The following PLEKHA7 variants were observed in gnomAD, a reference collection of about 807,000 sequenced individuals.
The protein encoded by PLEKHA7 is pleckstrin homology domain containing A7.
Under a neutral mutation model 170.0 loss-of-function variants are expected in PLEKHA7, and 104 were observed. That is an observed-to-expected ratio of 0.61 (90% CI 0.52 to 0.72). PLEKHA7 has a LOEUF of 0.72. Among genes scored for constraint, PLEKHA7 ranks in the 30% least tolerant of loss-of-function variants. The probability of loss-of-function intolerance (pLI) is 0.00; values close to 1 mark genes in which losing one functional copy is unlikely to be tolerated. For synonymous variants in PLEKHA7, 648 were observed against 660.8 expected (o/e 0.98, Z 0.30); for missense variants, 1,615 against 1,671.7 (o/e 0.97, Z 0.59).
At chr11:16,954,346 T>C (rs1406930332) in intron 3 of PLEKHA7, among the ~76,000 whole-genome samples, 1 of 151,818 alleles carries the variant, frequency 6.6e-6, no homozygotes, top group East Asian at 1.9e-4. Flanking sequence ...TGAGACTCCA[T>C]CTCTACAAAA....
chr11:16,998,658 G>A (rs578004383), intron 3 of PLEKHA7, among the ~76,000 whole-genome samples: 40 of 150,736 alleles, frequency 2.7e-4, no homozygotes, highest in African/African-American at 9.5e-4. Context: ...AAAACCGACT[G>A]AGCTCTCTTC....
chr11:16,854,266 A>G (rs1853238829), intron 6 of PLEKHA7, among the ~76,000 whole-genome samples: 1 of 152,210 alleles, frequency 6.6e-6, no homozygotes, highest in Non-Finnish European at 1.5e-5. Context: ...CCAATGAAGA[A>G]TGGCCTCAGC....
chr11:16,964,065 G>A (rs771662618), intron 3 of PLEKHA7, among the ~76,000 whole-genome samples: 13 of 152,158 alleles, frequency 8.5e-5, no homozygotes, highest in Non-Finnish European at 1.9e-4. Context: ...TGGAATCATA[G>A]AATTTGTCCT....
rs1166913684 is a variant in PLEKHA7 at position 16,793,043 on chromosome 11, C to T, written c.2745+1445G>A. On this transcript the variant is annotated intron_variant, in intron 19 of 26. Transcript: ENST00000531066. Reference sequence around the variant, plus strand: ...TCTCCTGGTGATCCTGATGCTCACCCAAGCTGAGAAAGCCCTGCCTGAGAG... The same window carrying T: ...TCTCCTGGTGATCCTGATGCTCACCTAAGCTGAGAAAGCCCTGCCTGAGAG... Among the ~76,000 whole-genome samples, 3 of 152,282 alleles carry T rather than the reference C, an allele frequency of 2.0e-5. No individual in the cohort carries two copies. In the East Asian group the frequency reaches 5.8e-4, roughly 29 times the overall value.
intron 9 of PLEKHA7, among the ~76,000 whole-genome samples, chr11:16,833,813 T>A (rs17770757): frequency 0.015 from 2,325 of 152,174 alleles, 29 homozygotes; most frequent in Non-Finnish European, 0.024. Flanking sequence ...AATGCAAAAC[T>A]CTGAGCTAAG....
rs145794790 is a variant in PLEKHA7 at position 16,932,418 on chromosome 11, A to C, written c.222-61236T>G. On this transcript the variant is annotated intron_variant, in intron 3 of 26. Transcript: ENST00000531066. ...TCAGCCTCCCCACCCAGTAGCCAGG[A>C]CTACAGGTGCACACCACCTCACCTG... Among the ~76,000 whole-genome samples the C allele has an allele frequency of 3.7e-4, 56 of 152,028 alleles. No individual in the cohort carries two copies. The East Asian group carries it at 0.011, about 29-fold the overall frequency.
chr11:16,819,099 GGCC>G (rs1174108700), intron 10 of PLEKHA7, among the ~76,000 whole-genome samples: 8 of 147,274 alleles, frequency 5.4e-5, no homozygotes, highest in African/African-American at 1.8e-4. Context: ...CACCATGCCT[GGCC>G]GCCATCTTAT....
intron 24 of PLEKHA7, among the ~76,000 whole-genome samples, chr11:16,784,052 C>T (rs888122042): frequency 6.6e-6 from 1 of 152,224 alleles, no homozygotes. Context: ...AGCCAACCTC[C>T]TACAGGCTGG....
At chr11:16,852,164 T>C (rs1590340881) in intron 7 of PLEKHA7, 119 bp downstream of exon 7, 1 of 821,444 alleles carries the variant, frequency 1.2e-6, no homozygotes, top group South Asian at 1.9e-5. Flanking sequence ...TGGATTCTAT[T>C]TATTTTAACC....
chr11:16,796,953 C>A (rs1848273624), intron 17 of PLEKHA7, among the ~76,000 whole-genome samples: 1 of 152,128 alleles, frequency 6.6e-6, no homozygotes, highest in Non-Finnish European at 1.5e-5. Context: ...TAGGCGTGAG[C>A]CACCATGACC....
At chr11:16,833,209 A>T (rs939369014) in intron 9 of PLEKHA7, among the ~76,000 whole-genome samples, 16 of 152,156 alleles carry the variant, frequency 1.1e-4, no homozygotes, top group Non-Finnish European at 1.6e-4. Context: ...AGCTTTGATG[A>T]CACCCTCCAC....
At chr11:16,788,833 T>A (rs1849582641) in intron 23 of PLEKHA7, 1 of 551,664 alleles carries the variant, frequency 1.8e-6, no homozygotes, top group Admixed American at 3.2e-5. Context: ...CCCCTCTCCA[T>A]CGCGGCTGGG....
chr11:16,956,185 A>C (rs1426078150), intron 3 of PLEKHA7, among the ~76,000 whole-genome samples: 1 of 151,908 alleles, frequency 6.6e-6, no homozygotes, highest in Non-Finnish European at 1.5e-5. Flanking sequence ...ATACGTACCT[A>C]TTTTGTTTTA....
intron 10 of PLEKHA7, 33 bp downstream of exon 10, chr11:16,826,087 G>A (rs1466457842): frequency 2.7e-5 from 43 of 1,590,178 alleles, no homozygotes; most frequent in Middle Eastern, 1.7e-4. Flanking sequence ...TATCGTGCTC[G>A]TTATAAGCAG....
At chr11:16,973,826 G>A (rs1434609487) in intron 3 of PLEKHA7, among the ~76,000 whole-genome samples, 1 of 152,072 alleles carries the variant, frequency 6.6e-6, no homozygotes, top group Non-Finnish European at 1.5e-5. Context: ...TATCAAACAT[G>A]AAAGGCCCTG....
At chr11:17,009,829 G>C (rs1323708663) in intron 3 of PLEKHA7, among the ~76,000 whole-genome samples, 2 of 151,838 alleles carry the variant, frequency 1.3e-5, no homozygotes, top group Non-Finnish European at 2.9e-5. Flanking sequence ...AGGCCTCTCC[G>C]TGTTGCCCAG....
intron 3 of PLEKHA7, among the ~76,000 whole-genome samples, chr11:16,972,688 T>A (rs1422047766): frequency 6.6e-6 from 1 of 152,212 alleles, no homozygotes; most frequent in Non-Finnish European, 1.5e-5. Flanking sequence ...CCCAAAGTGC[T>A]GGGATTACAG....
At chr11:16,929,314 C>T (rs1859767415) in intron 3 of PLEKHA7, among the ~76,000 whole-genome samples, 1 of 152,164 alleles carries the variant, frequency 6.6e-6, no homozygotes, top group African/African-American at 2.4e-5. Context: ...TATAATAATG[C>T]TCAGAAGCTT....
At chr11:16,969,273 C>A (rs1355089188) in intron 3 of PLEKHA7, among the ~76,000 whole-genome samples, 1 of 152,132 alleles carries the variant, frequency 6.6e-6, no homozygotes, top group Non-Finnish European at 1.5e-5. Context: ...AAGATCTTAA[C>A]AAGCTGATTC....
Sources: allele counts gnomAD v4.1 joint callset (sites outside exome capture counted in the v4.1 genomes callset), GRCh38; gene constraint gnomAD v4.1.1; transcripts MANE v1.5; gene names NCBI Gene and HGNC (gene_info 2026-07-23, HGNC 2026-07-21).